NKAIN2: variants seen among roughly 807,000 people sequenced by gnomAD.
NKAIN2 encodes the protein sodium/potassium transporting ATPase interacting 2.
A neutral mutation model predicts 32.6 loss-of-function variants in NKAIN2; 14 were observed. The observed-to-expected ratio is 0.43, with a 90% CI of 0.28 to 0.67. The LOEUF is 0.67. Ranked by LOEUF, NKAIN2 falls within the 30% of genes least tolerant of loss-of-function variation. The pLI is 0.17. For missense variants in NKAIN2, 198 were observed against 258.3 expected, an observed-to-expected ratio of 0.77 and a Z score of 1.60; for synonymous variants, 80 against 87.2, an observed-to-expected ratio of 0.92 and a Z score of 0.46.
chr6:123,960,027 A>G (rs1006634905), intron 1 of NKAIN2, among the ~76,000 whole-genome samples: 5 of 151,802 alleles, frequency 3.3e-5, no homozygotes, highest in Non-Finnish European at 5.9e-5. Flanking sequence ...ACTTTTGCCT[A>G]TCTAAAGAGG....
At chr6:124,790,262 T>A (rs1294975746) in intron 4 of NKAIN2, among the ~76,000 whole-genome samples, 3 of 152,108 alleles carry the variant, frequency 2.0e-5, no homozygotes. Flanking sequence ...TGACTTAAAA[T>A]GTTCCACTCA....
chr6:124,222,195 G>A (rs187262875), intron 1 of NKAIN2, among the ~76,000 whole-genome samples: 2 of 152,156 alleles, frequency 1.3e-5, no homozygotes, highest in African/African-American at 4.8e-5. Context: ...ATGTTAAGGG[G>A]TGAATTTCTT....
In NKAIN2 at chr6:124,800,320, A is replaced by T. The variant is rs147994906; in HGVS notation, c.535+8921A>T. Among the ~76,000 whole-genome samples the T allele has an allele frequency of 1.6e-4, 24 of 152,316 alleles. No homozygotes were observed. In the East Asian group the frequency reaches 4.4e-3, roughly 28 times the overall value. On this transcript the variant is annotated intron_variant, in intron 5 of 6. Coordinates refer to ENST00000368417, the MANE Select transcript of NKAIN2 (RefSeq NM_001040214.3). Reference sequence around the variant, plus strand: ...TAAGGATGGCCACCAGGTTTGCGGAATGAAAACATCTGAGCAAAGCAGCCT... The same window carrying T: ...TAAGGATGGCCACCAGGTTTGCGGATTGAAAACATCTGAGCAAAGCAGCCT...
intron 3 of NKAIN2, among the ~76,000 whole-genome samples, chr6:124,521,190 C>T (rs1340957528): frequency 2.6e-5 from 4 of 152,140 alleles, no homozygotes; most frequent in Non-Finnish European, 5.9e-5. Context: ...TGAGAGAAGA[C>T]ATCGTCGCCT....
At chr6:124,694,318 C>T (rs1434703623) in intron 4 of NKAIN2, among the ~76,000 whole-genome samples, 1 of 152,202 alleles carries the variant, frequency 6.6e-6, no homozygotes, top group Non-Finnish European at 1.5e-5. Flanking sequence ...CACAATCAGG[C>T]ACTCTGCAAA....
intron 3 of NKAIN2, among the ~76,000 whole-genome samples, chr6:124,600,530 C>A (rs1782265773): frequency 6.6e-6 from 1 of 152,016 alleles, no homozygotes; most frequent in Non-Finnish European, 1.5e-5. Context: ...ATATTCGCTT[C>A]TTTATGCTTA....
chr6:123,955,471 A>G (rs962926417), intron 1 of NKAIN2, among the ~76,000 whole-genome samples: 18 of 152,058 alleles, frequency 1.2e-4, no homozygotes, highest in African/African-American at 4.3e-4. Flanking sequence ...GACACTATTC[A>G]TTCCACAAAT....
intron 4 of NKAIN2, among the ~76,000 whole-genome samples, chr6:124,669,568 G>A (rs978172644): frequency 2.0e-5 from 3 of 152,042 alleles, no homozygotes; most frequent in African/African-American, 7.2e-5. Context: ...TTATAGGTAG[G>A]AGAACATTCA....
At chr6:124,440,414 A>G (rs2114593627) in intron 3 of NKAIN2, among the ~76,000 whole-genome samples, 1 of 152,150 alleles carries the variant, frequency 6.6e-6, no homozygotes, top group Admixed American at 6.6e-5. Context: ...TTAGTCCTGA[A>G]TTTCCTTCAC....
intron 3 of NKAIN2, among the ~76,000 whole-genome samples, chr6:124,630,649 A>G (rs1019813766): frequency 8.5e-5 from 13 of 152,106 alleles, no homozygotes; most frequent in Non-Finnish European, 1.9e-4. Flanking sequence ...GAATTACAGG[A>G]GCTCTTTCAA....
At chr6:124,538,835 T>C (rs1779809492) in intron 3 of NKAIN2, among the ~76,000 whole-genome samples, 1 of 152,270 alleles carries the variant, frequency 6.6e-6, no homozygotes, top group South Asian at 2.1e-4. Flanking sequence ...CCATATTTTT[T>C]CCCCTTTTAT....
chr6:123,818,598 T>C (rs9401698), intron 1 of NKAIN2, among the ~76,000 whole-genome samples: 25,211 of 152,194 alleles, frequency 0.17, 2,810 homozygotes, highest in East Asian at 0.53. Flanking sequence ...TGTATAATTT[T>C]GCTTGATCCA....
chr6:124,785,679 G>A (rs1779466721), intron 4 of NKAIN2, among the ~76,000 whole-genome samples: 1 of 152,124 alleles, frequency 6.6e-6, no homozygotes, highest in Non-Finnish European at 1.5e-5. Flanking sequence ...GGCTGTGGAA[G>A]GTCCTGCCCC....
At chr6:123,959,925 ATGTGTGTGTGTGTGTGTGTGTGTGTGTG>A (rs6149793) in intron 1 of NKAIN2, among the ~76,000 whole-genome samples, 2 of 141,270 alleles carry the variant, frequency 1.4e-5, no homozygotes, top group South Asian at 2.3e-4. Flanking sequence ...TCTTCCATAT[ATGTGTGTGTGTGTGTGTGTGTGTGTGTG>A]TGTGTGTGTG....
At chr6:123,971,591 G>A (rs1447507447) in intron 1 of NKAIN2, among the ~76,000 whole-genome samples, 2 of 152,068 alleles carry the variant, frequency 1.3e-5, no homozygotes, top group Non-Finnish European at 1.5e-5. Context: ...GATATTCCTG[G>A]ATGAATAATG....
intron 2 of NKAIN2, among the ~76,000 whole-genome samples, chr6:124,317,024 G>A (rs1323231951): frequency 6.6e-6 from 1 of 152,066 alleles, no homozygotes; most frequent in African/African-American, 2.4e-5. Flanking sequence ...AGAAAGCCAG[G>A]CACGGTTGCA....
intron 3 of NKAIN2, among the ~76,000 whole-genome samples, chr6:124,624,707 ATGT>A (rs1783237754): frequency 6.6e-6 from 1 of 152,196 alleles, no homozygotes; most frequent in African/African-American, 2.4e-5. Context: ...TTCTGGCAAC[ATGT>A]TGTTCTCAAG....
At chr6:124,354,683 A>G (rs566746520) in intron 2 of NKAIN2, among the ~76,000 whole-genome samples, 1 of 152,244 alleles carries the variant, frequency 6.6e-6, no homozygotes, top group Non-Finnish European at 1.5e-5. Flanking sequence ...GGTGGGTTGT[A>G]TCAGACATAT....
At chr6:124,709,616 T>G (rs1775321345) in intron 4 of NKAIN2, among the ~76,000 whole-genome samples, 1 of 149,770 alleles carries the variant, frequency 6.7e-6, no homozygotes, top group Non-Finnish European at 1.5e-5. Flanking sequence ...GATTTTCTAG[T>G]TTATTTGCGT....
Sources: gnomAD v4.1 joint callset for allele counts (sites outside exome capture counted in the v4.1 genomes callset) on GRCh38, gnomAD v4.1.1 for gene constraint, MANE v1.5 for transcripts, NCBI Gene and HGNC (gene_info 2026-07-23, HGNC 2026-07-21) for gene names.